Variants in DCAF1 observed in about 807,000 individuals in gnomAD.
DCAF1 encodes the protein DDB1 and CUL4 associated factor 1.
In DCAF1, 15 loss-of-function variants were observed where a neutral mutation model predicts 128.0. That is an observed-to-expected ratio of 0.12 (90% CI 0.08 to 0.18). The LOEUF (loss-of-function observed/expected upper bound fraction) is 0.18. Among genes scored for constraint, DCAF1 ranks in the 10% least tolerant of loss-of-function variants. DCAF1 has a pLI of 1.00. For synonymous variants in DCAF1, 610 were observed against 603.0 expected (o/e 1.01, Z -0.17); for missense variants, 988 against 1,649.5 (o/e 0.60, Z 6.95).
Position 51,413,330 on chromosome 3 carries a change from A to C in DCAF1, c.3988T>G (p.Phe1330Val), listed in dbSNP as rs781904144. The part of the protein sequence containing the change: ...DLMEERMKSP[F>V]GSSFRTFNAT... ...TTAAATGTTCGGAAGGATGACCCAA[A>C]GGGGCTTTTCATCCTCTCTTCCATT... The change falls in exon 21 of 25, where the codon TTT (phenylalanine) becomes GTT (valine). Residue 1330 changes from phenylalanine to valine, a missense_variant. Around this residue, in one of 11 missense-constraint regions of DCAF1, gnomAD observed 85 missense variants for 204.6 expected, o/e 0.42. Coordinates refer to ENST00000684031, the MANE Select transcript of DCAF1 (RefSeq NM_001387579.1). The C allele has an allele frequency of 6.2e-7, 1 of 1,613,676 alleles. No homozygotes were observed. Among genetic ancestry groups the C allele is most frequent in the Non-Finnish European group, 8.5e-7 (1 of 1,179,800 alleles).
chr3:51,492,949 G>A (rs1215431212), intron 2 of DCAF1, among the ~76,000 whole-genome samples: 2 of 151,756 alleles, frequency 1.3e-5, no homozygotes, highest in African/African-American at 2.4e-5. Flanking sequence ...AGCCGAGATC[G>A]CGCCACTGCA....
chr3:51,500,668 A>G (rs1708756721), upstream of DCAF1, among the ~76,000 whole-genome samples: 1 of 151,962 alleles, frequency 6.6e-6, no homozygotes, highest in East Asian at 1.9e-4. Context: ...CCTCCAGCTG[A>G]GACTACAGGC....
In DCAF1 at chr3:51,416,832, C is replaced by G; in HGVS notation, c.3558G>C (p.Lys1186Asn). 6.2e-7 allele frequency: 1 copy of G among 1,611,648 alleles called. No individual in the cohort carries two copies. Among genetic ancestry groups the G allele is most frequent in the Non-Finnish European group, 8.5e-7 (1 of 1,178,884 alleles). Reference sequence around the variant, plus strand: ...TGCCGATGACCCGATCCTGGGAGTGCTTACTGAACTCAACATAGTGATCTT... The same window carrying G: ...TGCCGATGACCCGATCCTGGGAGTGGTTACTGAACTCAACATAGTGATCTT... ...FTEDHYVEFS[K>N]HSQDRVIGTK... Residue 1186 changes from lysine to asparagine, a missense_variant, in exon 18 of 25, where the codon AAG becomes AAC. By Grantham distance (94) the Lys-to-Asn change is moderately conservative (BLOSUM62 0). This residue lies in a region of DCAF1 where 61 missense variants were observed against 78.3 expected (regional missense o/e 0.78). Coordinates refer to ENST00000684031, the MANE Select transcript of DCAF1 (RefSeq NM_001387579.1).
chr3:51,412,395 T>C lies in DCAF1; in HGVS notation c.4196A>G (p.Asp1399Gly). Residue 1399 changes from aspartate (D) to glycine (G), a missense_variant, in exon 23 of 25, where the codon GAT becomes GGT. Asp to Gly is a moderately conservative substitution (Grantham distance 94, BLOSUM62 -1). Coordinates refer to ENST00000684031, the MANE Select transcript of DCAF1 (RefSeq NM_001387579.1). The part of the protein sequence containing the change: ...VGRQRLAEDE[D>G]EEEDQEEEEQ... ...ACCACTGACCTGGTCCTCCTCTTCA[T>C]CCTCATCCTCTGCCAGACGCTGCCT... 6.2e-7 allele frequency: 1 copy of C among 1,613,922 alleles called. No individual in the cohort carries two copies. The highest frequency in any genetic ancestry group is 2.2e-5 in the East Asian group (1 of 44,876).
chr3:51,407,697 C>G (rs1697992479), intron 23 of DCAF1, among the ~76,000 whole-genome samples: 1 of 152,092 alleles, frequency 6.6e-6, no homozygotes, highest in African/African-American at 2.4e-5. Flanking sequence ...TCTAAAAACA[C>G]AGGCACCAGG....
chr3:51,458,890 G>A (rs13090348), intron 6 of DCAF1, among the ~76,000 whole-genome samples: 11,207 of 152,168 alleles, frequency 0.074, 974 homozygotes, highest in East Asian at 0.33. Context: ...AAACATACCA[G>A]AATCTCTGGG....
At chr3:51,432,573 C>T (rs1443036184) in intron 10 of DCAF1, among the ~76,000 whole-genome samples, 2 of 151,866 alleles carry the variant, frequency 1.3e-5, no homozygotes, top group African/African-American at 4.8e-5. Context: ...ATTATCCTGC[C>T]TCAGCCTCCC....
intron 24 of DCAF1, among the ~76,000 whole-genome samples, chr3:51,402,718 G>A (rs1289972096): frequency 4.6e-5 from 7 of 151,966 alleles, no homozygotes; most frequent in Admixed American, 4.6e-4. Context: ...GGGATTATAG[G>A]CATGTGCCAC....
intron 10 of DCAF1, among the ~76,000 whole-genome samples, chr3:51,432,010 C>T (rs891684680): frequency 2.7e-5 from 4 of 150,586 alleles, no homozygotes; most frequent in African/African-American, 4.9e-5. Flanking sequence ...TGGTGGCTCA[C>T]GCCTGTAATC....
chr3:51,457,698 G>C (rs1267071500), intron 6 of DCAF1, among the ~76,000 whole-genome samples: 3 of 152,226 alleles, frequency 2.0e-5, no homozygotes, highest in African/African-American at 7.2e-5. Flanking sequence ...AAGCCCATCA[G>C]ACTAACAGCT....
intron 6 of DCAF1, among the ~76,000 whole-genome samples, chr3:51,446,778 T>C (rs1701892363): frequency 6.6e-6 from 1 of 151,498 alleles, no homozygotes; most frequent in Non-Finnish European, 1.5e-5. Flanking sequence ...CTGGTCAACA[T>C]GGTGAAACCC....
chr3:51,409,222 A>G (rs1471947141), intron 23 of DCAF1, among the ~76,000 whole-genome samples: 4 of 152,202 alleles, frequency 2.6e-5, no homozygotes, highest in African/African-American at 9.7e-5. Flanking sequence ...AGAGAGTGGG[A>G]TAAGAGGAGT....
chr3:51,462,027 C>G (rs1262854428), intron 6 of DCAF1, among the ~76,000 whole-genome samples: 1 of 150,940 alleles, frequency 6.6e-6, no homozygotes. Context: ...CAAAACTGCA[C>G]GTTGTGCACA....
In DCAF1 at chr3:51,429,535, T is replaced by G; in HGVS notation, c.1468-65A>C. On this transcript the variant is annotated intron_variant, in intron 11 of 24. Transcript: ENST00000684031. ...GGCAAGAAGAGTTAAGTAAAAATAT[T>G]TAAAAAAGGGAAAATATTTTAGTAA... 4 of 748,166 alleles carry G rather than the reference T, an allele frequency of 5.3e-6. No homozygotes were observed. In the South Asian group the frequency reaches 5.7e-5, roughly 11 times the overall value. The allele number at this position is 748,166 out of a possible 1,614,324, so 46.3% of individuals were successfully genotyped here.
intron 21 of DCAF1, 93 bp downstream of exon 21, chr3:51,413,189 A>T: frequency 6.5e-7 from 1 of 1,542,972 alleles, no homozygotes; most frequent in Non-Finnish European, 8.7e-7. Flanking sequence ...CTGTTTTTCA[A>T]TAAAAAATTA....
At chr3:51,429,518 G>T in intron 11 of DCAF1, 48 bp from the exon 12 acceptor site, 1 of 764,400 alleles carries the variant, frequency 1.3e-6, no homozygotes, top group South Asian at 1.4e-5. Context: ...AAGGCAAGAA[G>T]AGTTAAGTAA....
At chr3:51,402,996 G>A in intron 24 of DCAF1, 147 bp downstream of exon 24, 5 of 1,333,406 alleles carry the variant, frequency 3.7e-6, no homozygotes, top group Non-Finnish European at 5.0e-6. Flanking sequence ...GAGATGCAAA[G>A]GTGCTTTGCC....
chr3:51,477,336 A>T (rs1298821319), intron 3 of DCAF1, among the ~76,000 whole-genome samples: 3 of 151,730 alleles, frequency 2.0e-5, no homozygotes, highest in African/African-American at 7.3e-5. Context: ...AAAACAAAAA[A>T]CCCTAGAACT....
At chr3:51,407,593 T>C (rs1318627310) in intron 23 of DCAF1, among the ~76,000 whole-genome samples, 1 of 152,244 alleles carries the variant, frequency 6.6e-6, no homozygotes, top group Non-Finnish European at 1.5e-5. Flanking sequence ...AGCTAAAATG[T>C]ATTGGCTTGT....
Sources: gnomAD v4.1 joint callset for allele counts (sites outside exome capture counted in the v4.1 genomes callset) on GRCh38, gnomAD v4.1.1 for gene constraint, gnomAD v4.1.1 regional missense constraint, MANE v1.5 for transcripts, NCBI Gene and HGNC (gene_info 2026-07-23, HGNC 2026-07-21) for gene names.